Variants in CRAMP1 observed in about 807,000 individuals in gnomAD.
The protein encoded by CRAMP1 is protein cramped-like.
CRAMP1 carries 50 observed loss-of-function variants against 115.4 expected under a neutral mutation model. That is an observed-to-expected ratio of 0.43 (90% CI 0.35 to 0.55). The LOEUF (loss-of-function observed/expected upper bound fraction) is 0.55, where lower values mean the gene tolerates loss of function less well. CRAMP1 is among the 20% of genes least tolerant of loss of function. The probability of loss-of-function intolerance (pLI) is 0.01; values close to 1 mark genes in which losing one functional copy is unlikely to be tolerated. For missense variants in CRAMP1, 1,679 were observed against 1,721.7 expected (o/e 0.98, Z 0.44); for synonymous variants, 866 against 745.4 (o/e 1.16, Z -2.64).
intron 2 of CRAMP1, among the ~76,000 whole-genome samples, chr16:1,617,931 AT>A (rs1371217824): frequency 5.3e-5 from 8 of 152,212 alleles, no homozygotes; most frequent in Non-Finnish European, 8.8e-5. Context: ...CCTGAAGTAG[AT>A]TGTTTAAGTC....
At position 1,669,037 on chromosome 16, in the gene CRAMP1, G is replaced by A. The variant is rs1229212450; in HGVS notation, c.3371G>A (p.Gly1124Asp). The A allele has an allele frequency of 6.2e-7, 1 of 1,613,196 alleles. No homozygotes were observed. The highest frequency in any genetic ancestry group is 1.3e-5 in the African/African-American group (1 of 74,890). ...CCTCTTTCTCCAGCAAAACTGAATG[G>A]CAGTGACAGTTCCAAGAGCCTTCCC... ...GVPLSPAKLN[G>D]SDSSKSLPSP... Residue 1124 changes from glycine to aspartate, a missense_variant, in exon 19 of 21, where the codon GGC becomes GAC. Gly to Asp is a moderately conservative substitution (Grantham distance 94). Coordinates refer to ENST00000397412, the MANE Select transcript of CRAMP1 (RefSeq NM_020825.4). This position sits in a 1 kb window ranked among gnomAD's most constrained non-coding sequence, Gnocchi z 4.6.
intron 4 of CRAMP1, 97 bp from the exon 5 acceptor site, chr16:1,637,727 T>TC: frequency 1.9e-6 from 1 of 514,890 alleles, no homozygotes; most frequent in East Asian, 3.4e-5. Flanking sequence ...AGGGAGGAGA[T>TC]CCAAGAAACC....
At chr16:1,620,616 G>T (rs1596481608) in intron 2 of CRAMP1, 2 of 456,936 alleles carry the variant, frequency 4.4e-6, no homozygotes, top group Admixed American at 4.7e-5. Context: ...CTGGGCTTCT[G>T]CGTCTGACCT....
Position 1,614,311 on chromosome 16 carries a change from C to T in CRAMP1, c.-1-328C>T, listed in dbSNP as rs1355820028. Among the ~76,000 whole-genome samples, 1 of 144,170 alleles carries T rather than the reference C, an allele frequency of 6.9e-6. No individual in the cohort carries two copies. Among genetic ancestry groups the T allele is most frequent in the South Asian group, 2.1e-4 (1 of 4,756 alleles). The allele number at this position is 144,170 out of a possible 152,430, so 94.6% of individuals were successfully genotyped here. ...CGCCCGCGCCGGGGCTCCCATAGACCCCGGGGCCGGGGCCGGGGCCGGGGC... is the reference window on the plus strand; with the variant it reads ...CGCCCGCGCCGGGGCTCCCATAGACTCCGGGGCCGGGGCCGGGGCCGGGGC... On this transcript the variant is annotated intron_variant, in intron 1 of 20. Coordinates refer to ENST00000397412, the MANE Select transcript of CRAMP1 (RefSeq NM_020825.4). This position sits in a 1 kb window ranked among gnomAD's most constrained non-coding sequence, Gnocchi z 4.4.
intron 13 of CRAMP1, among the ~76,000 whole-genome samples, chr16:1,664,669 C>G (rs751007873): frequency 3.3e-5 from 5 of 151,982 alleles, no homozygotes; most frequent in African/African-American, 4.8e-5. Flanking sequence ...ATCCCAGCTA[C>G]TCGGGAGGCT....
At position 1,669,357 on chromosome 16, in the gene CRAMP1, T is replaced by C. The variant is rs1395858109; in HGVS notation, c.3499+192T>C. Among the ~76,000 whole-genome samples the C allele has an allele frequency of 6.6e-6, 1 of 152,226 alleles. No individual in the cohort carries two copies. Among genetic ancestry groups the C allele is most frequent in the South Asian group, 2.1e-4 (1 of 4,836 alleles). On this transcript the variant is annotated intron_variant, in intron 19 of 20. Transcript: ENST00000397412. The surrounding 1 kb of genome is among the most constrained non-coding windows in gnomAD (Gnocchi z 4.6). ...TGTAGGAAAATGTACACATTTTTAGTGTACAGTTCACCAAGCTTTGGCAAG... is the reference window on the plus strand; with the variant it reads ...TGTAGGAAAATGTACACATTTTTAGCGTACAGTTCACCAAGCTTTGGCAAG...
Position 1,666,062 on chromosome 16 carries a change from C to T in CRAMP1, c.2753-11C>T, listed in dbSNP as rs778567939. The stretch of plus-strand genomic sequence containing the variant: ...GGCTCGACATGTCTGCTTTTGCCCT[C>T]GCCCTCGCAGGGAGAGGTTCGTTCC... On this transcript the variant is annotated splice_polypyrimidine_tract_variant and intron_variant, in intron 14 of 20. Coordinates refer to ENST00000397412, the MANE Select transcript of CRAMP1 (RefSeq NM_020825.4). The surrounding 1 kb of genome is among the most constrained non-coding windows in gnomAD (Gnocchi z 5.0). 135 of 1,583,576 alleles carry T rather than the reference C, an allele frequency of 8.5e-5. 1 individual carries two copies. The East Asian group carries it at 1.7e-3, about 20-fold the overall frequency.
intron 6 of CRAMP1, among the ~76,000 whole-genome samples, chr16:1,651,274 G>A (rs919456188): frequency 9.9e-5 from 15 of 151,598 alleles, no homozygotes; most frequent in Admixed American, 5.9e-4. Flanking sequence ...CTGAGATCAC[G>A]GAGAGCTGGA....
chr16:1,620,037 AG>A (rs2142169028), intron 2 of CRAMP1, among the ~76,000 whole-genome samples: 1 of 152,158 alleles, frequency 6.6e-6, no homozygotes, highest in East Asian at 1.9e-4. Flanking sequence ...TGGGTAGGGG[AG>A]GCTCAGAACT....
At chr16:1,632,174 T>G (rs1262514141) in intron 3 of CRAMP1, 38 bp from the exon 4 acceptor site, 17 of 1,543,324 alleles carry the variant, frequency 1.1e-5, no homozygotes, top group Non-Finnish European at 1.5e-5. Context: ...CTGCATTGTT[T>G]TAACCCCTCT....
chr16:1,624,123 TGA>T (rs1470738003), intron 2 of CRAMP1, among the ~76,000 whole-genome samples: 1 of 151,894 alleles, frequency 6.6e-6, no homozygotes, highest in Non-Finnish European at 1.5e-5. Context: ...CTGGCGTGAC[TGA>T]GAGGCTGAGT....
At chr16:1,617,083 C>G (rs1320924573) in intron 2 of CRAMP1, among the ~76,000 whole-genome samples, 1 of 152,122 alleles carries the variant, frequency 6.6e-6, no homozygotes, top group Non-Finnish European at 1.5e-5. Flanking sequence ...CTCAGCCCCC[C>G]AAAGTGCTGG....
At chr16:1,646,203 T>C (rs2036673078) in intron 6 of CRAMP1, among the ~76,000 whole-genome samples, 2 of 152,120 alleles carry the variant, frequency 1.3e-5, no homozygotes, top group African/African-American at 4.8e-5. Flanking sequence ...TTGCAGTGTT[T>C]TAGTGTTGAT....
At chr16:1,612,776 G>T (rs1336878118) in intron 1 of CRAMP1, among the ~76,000 whole-genome samples, 119 bp downstream of exon 1, 1 of 152,130 alleles carries the variant, frequency 6.6e-6, no homozygotes. Context: ...AGCCACAACT[G>T]GCCTCAGGGC....
rs980021987 is a variant in CRAMP1 at position 1,656,957 on chromosome 16, C to T, written c.2200C>T (p.Leu734=). The change falls in exon 10 of 21, where the codon CTG becomes TTG. Residue 734 remains leucine, a synonymous_variant. Coordinates refer to ENST00000397412, the MANE Select transcript of CRAMP1 (RefSeq NM_020825.4). The surrounding 1 kb of genome is among the most constrained non-coding windows in gnomAD (Gnocchi z 5.6). ...LHKQRLLSCL[L]KLISTEVNPK... ...CAAGCAGCGCCTCCTCAGCTGCCTC[C>T]TGAAGCTCATTTCCACCGAGGTCAA... 2 of 1,555,508 alleles carry T rather than the reference C, an allele frequency of 1.3e-6. No individual in the cohort carries two copies. Among genetic ancestry groups the T allele is most frequent in the Non-Finnish European group, 1.7e-6 (2 of 1,148,964 alleles).
At chr16:1,661,190 C>T (rs921639194) in intron 11 of CRAMP1, among the ~76,000 whole-genome samples, 1 of 152,096 alleles carries the variant, frequency 6.6e-6, no homozygotes, top group African/African-American at 2.4e-5. Context: ...AATGTTGGGG[C>T]TCATACCTGT....
chr16:1,652,295 T>C (rs1250055634), intron 6 of CRAMP1, among the ~76,000 whole-genome samples: 1 of 152,194 alleles, frequency 6.6e-6, no homozygotes, highest in Non-Finnish European at 1.5e-5. Context: ...TGAGGTGTGG[T>C]CAGGAAAGTA....
chr16:1,636,550 C>A (rs1188167382), intron 4 of CRAMP1, among the ~76,000 whole-genome samples: 4 of 152,128 alleles, frequency 2.6e-5, no homozygotes, highest in Non-Finnish European at 2.9e-5. Flanking sequence ...GTCTTAGGGC[C>A]TTGAGAACAG....
intron 6 of CRAMP1, among the ~76,000 whole-genome samples, chr16:1,648,223 C>T (rs975886291): frequency 6.6e-6 from 1 of 152,138 alleles, no homozygotes; most frequent in Non-Finnish European, 1.5e-5. Context: ...TAAATCTTGC[C>T]TACTACTGTT....
Sources: gnomAD v4.1 joint callset for allele counts (sites outside exome capture counted in the v4.1 genomes callset) on GRCh38, gnomAD v4.1.1 for gene constraint, Gnocchi (gnomAD v3.1) non-coding constraint, MANE v1.5 for transcripts, NCBI Gene and HGNC (gene_info 2026-07-23, HGNC 2026-07-21) for gene names.